Variants in CEP112 observed in about 807,000 individuals in gnomAD.
CEP112 encodes centrosomal protein 112.
A neutral mutation model predicts 153.0 loss-of-function variants in CEP112; 127 were observed. That is an observed-to-expected ratio of 0.83 (90% confidence interval 0.72 to 0.96). The LOEUF is 0.96. Ranked by LOEUF, CEP112 falls within the 40% of genes least tolerant of loss-of-function variation. The probability of loss-of-function intolerance (pLI) is 0.00; values close to 1 mark genes in which losing one functional copy is unlikely to be tolerated. For synonymous variants in CEP112, 358 were observed against 374.4 expected (o/e 0.96, Z 0.51); for missense variants, 1,089 against 1,101.2 (o/e 0.99, Z 0.16).
intron 23 of CEP112, among the ~76,000 whole-genome samples, chr17:65,740,363 G>A (rs999342302): frequency 2.0e-5 from 3 of 152,170 alleles, no homozygotes; most frequent in Non-Finnish European, 4.4e-5. Context: ...AGCTTAGTGC[G>A]ATTATTAATT....
chr17:65,838,995 A>G (rs1306289077), intron 21 of CEP112, among the ~76,000 whole-genome samples: 7 of 152,208 alleles, frequency 4.6e-5, no homozygotes, highest in African/African-American at 1.7e-4. Context: ...ATACATAATG[A>G]GATTGAAGCA....
At chr17:65,821,245 T>A (rs988023604) in intron 21 of CEP112, among the ~76,000 whole-genome samples, 3 of 151,640 alleles carry the variant, frequency 2.0e-5, no homozygotes, top group African/African-American at 7.3e-5. Flanking sequence ...TGTGGAAATA[T>A]GTATGTGTTT....
At chr17:66,005,276 C>T (rs2064225175) in intron 17 of CEP112, among the ~76,000 whole-genome samples, 1 of 152,122 alleles carries the variant, frequency 6.6e-6, no homozygotes, top group Non-Finnish European at 1.5e-5. Flanking sequence ...ATAAGACAAA[C>T]TCTTTCCTAA....
intron 21 of CEP112, among the ~76,000 whole-genome samples, chr17:65,813,705 T>TA (rs1195240974): frequency 3.3e-5 from 5 of 152,216 alleles, no homozygotes; most frequent in Non-Finnish European, 5.9e-5. Context: ...GAAAGTGCTT[T>TA]ACACATGGAA....
At chr17:65,950,699 C>CTATTATTATTATTATTAGTAG (rs57598697) in intron 18 of CEP112, among the ~76,000 whole-genome samples, 1,950 of 147,174 alleles carry the variant, frequency 0.013, 25 homozygotes, top group South Asian at 0.043. Context: ...GGATACATTA[C>CTATTATTATTATTATTAGTAG]TAGTAGTAGT....
At chr17:65,869,186 G>T (rs1485955386) in intron 20 of CEP112, among the ~76,000 whole-genome samples, 1 of 152,142 alleles carries the variant, frequency 6.6e-6, no homozygotes, top group African/African-American at 2.4e-5. Context: ...ATATTTTTAA[G>T]ATCCCTTAAA....
At chr17:65,648,365 T>C (rs559742107) in intron 24 of CEP112, among the ~76,000 whole-genome samples, 1 of 152,314 alleles carries the variant, frequency 6.6e-6, no homozygotes, top group Admixed American at 6.5e-5. Context: ...GTAAGCTGAG[T>C]GGAAATGGGG....
intron 19 of CEP112, among the ~76,000 whole-genome samples, chr17:65,903,654 C>A (rs183718297): frequency 1.3e-5 from 2 of 152,050 alleles, no homozygotes; most frequent in Non-Finnish European, 2.9e-5. Flanking sequence ...GGCAGAGACA[C>A]GACAAGAAAA....
At chr17:65,978,174 T>C (rs1259881302) in intron 17 of CEP112, among the ~76,000 whole-genome samples, 8 of 152,156 alleles carry the variant, frequency 5.3e-5, no homozygotes, top group Non-Finnish European at 1.2e-4. Flanking sequence ...GGAGGATCAC[T>C]TGAGCCCAGA....
chr17:66,028,765 T>C (rs1459287450), intron 14 of CEP112, among the ~76,000 whole-genome samples: 1 of 151,844 alleles, frequency 6.6e-6, no homozygotes, highest in Non-Finnish European at 1.5e-5. Flanking sequence ...AATTATAAAA[T>C]GAAAGCAGAA....
rs181030200 is a variant in CEP112, at chr17:65,843,088, T to C, written c.2394+8716A>G. On this transcript the variant is annotated intron_variant, in intron 21 of 26. Transcript: ENST00000535342. ...TAAGACAAGATTATAACCCCTGTCA[T>C]AGTCAAGAAAGCTTTACAATTTAGG... Among the ~76,000 whole-genome samples, 183 of 152,232 alleles carry C rather than the reference T, an allele frequency of 1.2e-3. 1 individual carries two copies. The highest frequency in any genetic ancestry group is 4.4e-3 in the African/African-American group (181 of 41,572).
At chr17:65,937,599 C>G (rs1303962241) in intron 18 of CEP112, among the ~76,000 whole-genome samples, 1 of 109,018 alleles carries the variant, frequency 9.2e-6, no homozygotes, top group Non-Finnish European at 1.9e-5. Flanking sequence ...GGCCAGCCGC[C>G]CCGTCCGGGA....
At chr17:66,010,950 T>G (rs560637190) in intron 16 of CEP112, among the ~76,000 whole-genome samples, 1 of 152,248 alleles carries the variant, frequency 6.6e-6, no homozygotes, top group East Asian at 1.9e-4. Flanking sequence ...AAGGTTTTGG[T>G]ATCAGTATGA....
intron 18 of CEP112, among the ~76,000 whole-genome samples, chr17:65,939,119 G>T (rs1412588543): frequency 6.6e-6 from 1 of 151,900 alleles, no homozygotes; most frequent in Admixed American, 6.6e-5. Flanking sequence ...GCCCAAAAAA[G>T]AAATTTTTAA....
At chr17:65,865,221 T>C (rs939511508) in intron 20 of CEP112, among the ~76,000 whole-genome samples, 3 of 151,976 alleles carry the variant, frequency 2.0e-5, no homozygotes, top group African/African-American at 4.8e-5. Flanking sequence ...TTTGTATTAT[T>C]TGTAGAGACA....
intron 8 of CEP112, among the ~76,000 whole-genome samples, chr17:66,074,644 C>G (rs2067419615): frequency 6.6e-6 from 1 of 152,048 alleles, no homozygotes; most frequent in Admixed American, 6.5e-5. Context: ...GCAGGCAGAT[C>G]ACAAGGTCAA....
At chr17:65,802,818 C>G (rs1335726491) in intron 21 of CEP112, among the ~76,000 whole-genome samples, 1 of 152,126 alleles carries the variant, frequency 6.6e-6, no homozygotes, top group Non-Finnish European at 1.5e-5. Flanking sequence ...TTGTATTTTC[C>G]AAAGATGGCC....
At chr17:65,971,464 A>T (rs1410783329) in intron 17 of CEP112, among the ~76,000 whole-genome samples, 1 of 131,994 alleles carries the variant, frequency 7.6e-6, no homozygotes, top group African/African-American at 2.7e-5. Flanking sequence ...CATATCACAC[A>T]CATGTATCAT....
At chr17:66,029,041 A>T (rs1299894229) in intron 14 of CEP112, 82 bp downstream of exon 14, 1 of 1,097,214 alleles carries the variant, frequency 9.1e-7, no homozygotes, top group African/African-American at 1.6e-5. Flanking sequence ...TCAAATGCCA[A>T]ATAATTTCTA....
Sources: allele counts gnomAD v4.1 joint callset (sites outside exome capture counted in the v4.1 genomes callset), GRCh38; gene constraint gnomAD v4.1.1; transcripts MANE v1.5; gene names NCBI Gene and HGNC (gene_info 2026-07-23, HGNC 2026-07-21).